Variants in SUPT5H observed in about 807,000 individuals in gnomAD.
SUPT5H encodes the protein transcription elongation factor SPT5.
In SUPT5H, 24 loss-of-function variants were observed where a neutral mutation model predicts 142.5. The observed-to-expected ratio is 0.17, with a 90% CI of 0.12 to 0.24. SUPT5H has a LOEUF of 0.24. Ranked by LOEUF, SUPT5H falls within the 10% of genes least tolerant of loss-of-function variation. The pLI is 1.00. For synonymous variants in SUPT5H, 546 were observed against 553.0 expected, an observed-to-expected ratio of 0.99 and a Z score of 0.18; for missense variants, 893 against 1,471.8, an observed-to-expected ratio of 0.61 and a Z score of 6.43.
Position 39,474,794 on chromosome 19 carries a change from C to T in SUPT5H, c.3024+76C>T. The T allele has an allele frequency of 6.7e-7, 1 of 1,486,718 alleles. No homozygotes were observed. The highest frequency in any genetic ancestry group is 9.1e-7 in the Non-Finnish European group (1 of 1,096,064). The allele number at this position is 1,486,718 out of a possible 1,614,324, so 92.1% of individuals were successfully genotyped here. On this transcript the variant is annotated intron_variant, in intron 28 of 29. Transcript: ENST00000432763. The surrounding 1 kb of genome is among the most constrained non-coding windows in gnomAD (Gnocchi z 6.5). ...CCCTAAACTGGAGACAGACCTGTCC[C>T]CAGATGGTGACAGCCCAGAGTGGGC...
intron 13 of SUPT5H, 100 bp from the exon 14 acceptor site, chr19:39,468,656 T>C: frequency 9.6e-7 from 1 of 1,040,780 alleles, no homozygotes; most frequent in Non-Finnish European, 1.5e-6. Flanking sequence ...TCAGTCTGCC[T>C]GTGGTCCTCT....
At chr19:39,455,325 G>A (rs1343073866) in intron 3 of SUPT5H, among the ~76,000 whole-genome samples, 1 of 152,152 alleles carries the variant, frequency 6.6e-6, no homozygotes. Flanking sequence ...ACTTTAGGAG[G>A]CTGAGGCGGG....
chr19:39,451,728 C>T (rs1199856577), intron 2 of SUPT5H, among the ~76,000 whole-genome samples: 1 of 152,098 alleles, frequency 6.6e-6, no homozygotes, highest in Admixed American at 6.6e-5. Flanking sequence ...GACGGGGTTT[C>T]ACCACATTGG....
chr19:39,475,428 A>T (rs2079391360), intron 28 of SUPT5H, among the ~76,000 whole-genome samples: 1 of 148,962 alleles, frequency 6.7e-6, no homozygotes, highest in East Asian at 2.0e-4. Context: ...GAGGCCAGAG[A>T]GTTGGCTGGG....
intron 2 of SUPT5H, among the ~76,000 whole-genome samples, chr19:39,447,030 TGG>T (rs1232358943): frequency 6.6e-6 from 1 of 151,566 alleles, no homozygotes; most frequent in African/African-American, 2.4e-5. Flanking sequence ...CTGAGCTTGG[TGG>T]CACGCTTCTG....
At chr19:39,456,662 C>T (rs1365225113) in intron 3 of SUPT5H, among the ~76,000 whole-genome samples, 2 of 152,056 alleles carry the variant, frequency 1.3e-5, no homozygotes, top group African/African-American at 4.8e-5. Context: ...TCATGATCCA[C>T]CCGCCTCGGC....
chr19:39,453,310 T>G (rs1311535188), intron 2 of SUPT5H, 46 bp from the exon 3 acceptor site: 1 of 1,542,104 alleles, frequency 6.5e-7, no homozygotes, highest in Admixed American at 2.0e-5. Context: ...TTTGGATTTT[T>G]GGGGTAGCAG....
chr19:39,469,325 T>C lies in SUPT5H; in HGVS notation c.1301T>C (p.Ile434Thr). Residue 434 changes from isoleucine (I) to threonine (T), a missense_variant, in exon 16 of 30, where the codon ATC becomes ACC. By Grantham distance (89) the Ile-to-Thr change is moderately conservative. This residue lies in a region of SUPT5H where 428 missense variants were observed against 763.5 expected (regional missense o/e 0.56). Transcript: ENST00000432763. The surrounding 1 kb of genome is among the most constrained non-coding windows in gnomAD (Gnocchi z 5.1). ...DNVEVCEGEL[I>T]NLQGKILSVD... is the part of the protein sequence containing the mutation. The stretch of plus-strand genomic sequence containing the variant: ...GTGGAGGTCTGTGAGGGTGAGCTCA[T>C]CAACCTGCAGGGCAAGATCCTCAGC... 1 of 1,614,160 alleles carries C rather than the reference T, an allele frequency of 6.2e-7. No individual in the cohort carries two copies. The highest frequency in any genetic ancestry group is 8.5e-7 in the Non-Finnish European group (1 of 1,180,026).
rs576662233 is a variant in SUPT5H, at chr19:39,470,352, T to C, written c.1531-25T>C. 5 of 1,549,164 alleles carry C rather than the reference T, an allele frequency of 3.2e-6. No homozygotes were observed. In the South Asian group the frequency reaches 4.9e-5, roughly 15 times the overall value. On this transcript the variant is annotated intron_variant, in intron 17 of 29. Coordinates refer to ENST00000432763, the MANE Select transcript of SUPT5H (RefSeq NM_001111020.3). This position sits in a 1 kb window ranked among gnomAD's most constrained non-coding sequence, Gnocchi z 5.8. ...GTAGGCGAGCCACCTGGACTGGGCC[T>C]CACCCCTTTCACCATCCCTGGCAGC...
intron 4 of SUPT5H, 134 bp downstream of exon 4, chr19:39,457,874 C>T: frequency 6.9e-7 from 1 of 1,458,192 alleles, no homozygotes; most frequent in Non-Finnish European, 9.3e-7. Flanking sequence ...TCTTTCTGTC[C>T]TTCCCAGAGA....
At chr19:39,453,940 A>T (rs1375219501) in intron 3 of SUPT5H, among the ~76,000 whole-genome samples, 1 of 150,018 alleles carries the variant, frequency 6.7e-6, no homozygotes, top group African/African-American at 2.4e-5. Context: ...TCTGAAATGC[A>T]TAAAACAAAA....
chr19:39,451,544 G>GT (rs2079022551), intron 2 of SUPT5H, among the ~76,000 whole-genome samples: 1 of 150,668 alleles, frequency 6.6e-6, no homozygotes. Flanking sequence ...TTGTTTGTTT[G>GT]TTTTTTTGAC....
intron 10 of SUPT5H, among the ~76,000 whole-genome samples, chr19:39,461,990 A>G (rs1279177626): frequency 1.3e-5 from 2 of 151,618 alleles, no homozygotes; most frequent in East Asian, 3.9e-4. Flanking sequence ...CTGGAGTGCA[A>G]TGGTGTGGTC....
chr19:39,445,733 G>T, intron 1 of SUPT5H, 71 bp from the exon 2 acceptor site: 1 of 786,532 alleles, frequency 1.3e-6, no homozygotes, highest in Non-Finnish European at 2.1e-6. Flanking sequence ...CGTAGGAGGG[G>T]GTCCTCACTC....
intron 20 of SUPT5H, 70 bp downstream of exon 20, chr19:39,471,800 A>G (rs1158344319): frequency 6.5e-7 from 1 of 1,543,728 alleles, no homozygotes; most frequent in African/African-American, 1.4e-5. Context: ...CTCTGGCCCC[A>G]GAAGTGATAA....
chr19:39,447,078 T>C (rs1221729295), intron 2 of SUPT5H, among the ~76,000 whole-genome samples: 1 of 151,716 alleles, frequency 6.6e-6, no homozygotes, highest in Non-Finnish European at 1.5e-5. Flanking sequence ...GGTGGGAAGA[T>C]TGCTTGAGCC....
intron 3 of SUPT5H, among the ~76,000 whole-genome samples, chr19:39,454,485 C>T (rs537007613): frequency 1.1e-4 from 17 of 151,818 alleles, no homozygotes; most frequent in Middle Eastern, 3.4e-3. Context: ...GCTGGGACTA[C>T]GGGCACGTGC....
Position 39,458,336 on chromosome 19 carries a change from C to A in SUPT5H, c.319+31C>A, listed in dbSNP as rs1483524825. On this transcript the variant is annotated intron_variant, in intron 5 of 29. Coordinates refer to ENST00000432763, the MANE Select transcript of SUPT5H (RefSeq NM_001111020.3). This position sits in a 1 kb window ranked among gnomAD's most constrained non-coding sequence, Gnocchi z 4.2. ...AATATGAAAAGTGTGATTCCCTGAC[C>A]TTCCTCCCATATCCTGACATTTCCT... 6.3e-7 allele frequency: 1 copy of A among 1,592,402 alleles called. No homozygotes were observed. The highest frequency in any genetic ancestry group is 8.6e-7 in the Non-Finnish European group (1 of 1,165,522).
Position 39,469,068 on chromosome 19 carries a change from T to C in SUPT5H, c.1144-11T>C. ...CATTTCCTTCTCTTCCCCTCACCGC[T>C]GGGGGCTTAGATCACGGAGGGTGTG... On this transcript the variant is annotated splice_polypyrimidine_tract_variant and intron_variant, in intron 14 of 29. Transcript: ENST00000432763. The surrounding 1 kb of genome is among the most constrained non-coding windows in gnomAD (Gnocchi z 5.1). 1 of 1,614,058 alleles carries C rather than the reference T, an allele frequency of 6.2e-7. No homozygotes were observed.
Sources: gnomAD v4.1 joint callset for allele counts (sites outside exome capture counted in the v4.1 genomes callset) on GRCh38, gnomAD v4.1.1 for gene constraint, gnomAD v4.1.1 regional missense constraint, Gnocchi (gnomAD v3.1) non-coding constraint, MANE v1.5 for transcripts, NCBI Gene and HGNC (gene_info 2026-07-23, HGNC 2026-07-21) for gene names.